The following LARP4B variants were observed in gnomAD, a reference collection of about 807,000 sequenced individuals.
The protein encoded by LARP4B is la-related protein 4B.
In LARP4B, 12 loss-of-function variants were observed where a neutral mutation model predicts 89.8. The observed-to-expected ratio is 0.13, with a 90% CI of 0.09 to 0.22. The LOEUF (loss-of-function observed/expected upper bound fraction) is 0.22. Ranked by LOEUF, LARP4B falls within the 10% of genes least tolerant of loss-of-function variation. LARP4B has a pLI of 1.00. For synonymous variants in LARP4B, 367 were observed against 363.3 expected (o/e 1.01, Z -0.12); for missense variants, 757 against 947.7 (o/e 0.80, Z 2.64).
At chr10:986,559 T>C in the LARP4B span, 1 of 152,204 alleles carries the variant, frequency 6.6e-6, no homozygotes, top group East Asian at 1.9e-4. Flanking sequence ...AACACGCACA[T>C]GGTGTAAGAT....
chr10:921,950 A>G lies in LARP4B; in HGVS notation c.-40+9478T>C, dbSNP rs377684829. On this transcript the variant is annotated intron_variant, in intron 1 of 17. Coordinates refer to ENST00000316157, the MANE Select transcript of LARP4B (RefSeq NM_015155.3). ...TCACTGACAGCGTGAAGAAGCAACTATTGCTGATTCATCAGTTACTCATTT... is the reference window on the plus strand; with the variant it reads ...TCACTGACAGCGTGAAGAAGCAACTGTTGCTGATTCATCAGTTACTCATTT... 1.2e-3 allele frequency among the ~76,000 whole-genome samples: 181 copies of G among 152,270 alleles called. 4 individuals are homozygous for G. In the South Asian group the frequency reaches 0.037, roughly 31 times the overall value.
intron 5 of LARP4B, among the ~76,000 whole-genome samples, chr10:854,639 G>A (rs1834212757): frequency 6.6e-6 from 1 of 151,820 alleles, no homozygotes; most frequent in South Asian, 2.1e-4. Context: ...AAACCATGAT[G>A]TAAACAGATG....
chr10:881,227 G>A (rs1290894862), intron 3 of LARP4B, among the ~76,000 whole-genome samples: 1 of 152,108 alleles, frequency 6.6e-6, no homozygotes, highest in African/African-American at 2.4e-5. Context: ...ACTGCCAGTG[G>A]TCACTCTTCA....
intron 8 of LARP4B, among the ~76,000 whole-genome samples, chr10:831,435 G>A (rs779883873): frequency 2.0e-5 from 3 of 152,152 alleles, no homozygotes; most frequent in African/African-American, 4.8e-5. Flanking sequence ...GAACCCCAGC[G>A]TGAACACGAG....
chr10:922,733 G>C (rs1452703833), intron 1 of LARP4B, among the ~76,000 whole-genome samples: 1 of 151,384 alleles, frequency 6.6e-6, no homozygotes, highest in African/African-American at 2.4e-5. Flanking sequence ...TATCACTGGA[G>C]GTATGGATAT....
the LARP4B span, among the ~76,000 whole-genome samples, chr10:983,072 T>A: frequency 6.6e-6 from 1 of 152,242 alleles, no homozygotes; most frequent in Non-Finnish European, 1.5e-5. Flanking sequence ...GTATTGGTCA[T>A]AGGTTCGGAT....
the LARP4B span, among the ~76,000 whole-genome samples, chr10:949,422 A>G: frequency 6.8e-6 from 1 of 148,006 alleles, no homozygotes; most frequent in Non-Finnish European, 1.5e-5. Flanking sequence ...AGGTGGCTGT[A>G]CCATCTTACA....
intron 2 of LARP4B, among the ~76,000 whole-genome samples, chr10:885,129 G>C (rs1835813486): frequency 1.3e-5 from 2 of 152,140 alleles, no homozygotes; most frequent in Admixed American, 1.3e-4. Flanking sequence ...CTCCCTTGAA[G>C]CAGGCCATAA....
intron 1 of LARP4B, among the ~76,000 whole-genome samples, chr10:913,222 T>C (rs1246931532): frequency 6.6e-6 from 1 of 152,156 alleles, no homozygotes; most frequent in Non-Finnish European, 1.5e-5. Context: ...AAGAGACTGA[T>C]AGTCTAAAGG....
intron 5 of LARP4B, among the ~76,000 whole-genome samples, chr10:862,279 A>AAAAAAAAAAC (rs749904539): frequency 5.0e-5 from 7 of 140,386 alleles, no homozygotes; most frequent in Non-Finnish European, 1.1e-4. Flanking sequence ...AAAAAAAAAA[A>AAAAAAAAAAC]AACAACCGTC....
chr10:949,521 C>T, the LARP4B span, among the ~76,000 whole-genome samples: 1 of 152,206 alleles, frequency 6.6e-6, no homozygotes, highest in African/African-American at 2.4e-5. Context: ...GAGTGACCTC[C>T]AACCCGTTTT....
chr10:895,513 G>C (rs761005424), intron 1 of LARP4B, among the ~76,000 whole-genome samples: 3 of 151,726 alleles, frequency 2.0e-5, no homozygotes, highest in Non-Finnish European at 4.4e-5. Flanking sequence ...TGCCTAACCA[G>C]GCTGGTGAAA....
intron 1 of LARP4B, among the ~76,000 whole-genome samples, chr10:892,608 C>T (rs554960224): frequency 3.3e-5 from 5 of 151,914 alleles, no homozygotes; most frequent in African/African-American, 1.2e-4. Flanking sequence ...GGCGCGATCT[C>T]AGCTCACTGC....
intron 1 of LARP4B, among the ~76,000 whole-genome samples, chr10:886,802 G>A (rs1269228961): frequency 6.6e-6 from 1 of 152,142 alleles, no homozygotes; most frequent in Non-Finnish European, 1.5e-5. Context: ...ATAAAATGGT[G>A]ACTACCGCCG....
At chr10:881,942 G>A (rs1395612972) in intron 3 of LARP4B, among the ~76,000 whole-genome samples, 1 of 152,116 alleles carries the variant, frequency 6.6e-6, no homozygotes, top group Non-Finnish European at 1.5e-5. Flanking sequence ...TGAATGGATG[G>A]ATACTCAAAT....
chr10:908,975 C>A (rs2035276640), intron 1 of LARP4B, among the ~76,000 whole-genome samples: 1 of 152,158 alleles, frequency 6.6e-6, no homozygotes, highest in Non-Finnish European at 1.5e-5. Context: ...ACACCACAGC[C>A]AAACGGCAGG....
At chr10:905,517 T>C (rs1457134567) in intron 1 of LARP4B, among the ~76,000 whole-genome samples, 3 of 152,190 alleles carry the variant, frequency 2.0e-5, no homozygotes, top group Non-Finnish European at 4.4e-5. Context: ...CAGGATCCTA[T>C]CTTCATTAGT....
the LARP4B span, among the ~76,000 whole-genome samples, chr10:963,267 G>A: frequency 1.3e-5 from 2 of 152,150 alleles, no homozygotes; most frequent in African/African-American, 4.8e-5. Context: ...TTGAGTTCCA[G>A]AGACACCCTG....
At chr10:901,555 GTTAT>G (rs1301160299) in intron 1 of LARP4B, among the ~76,000 whole-genome samples, 1 of 152,004 alleles carries the variant, frequency 6.6e-6, no homozygotes, top group Non-Finnish European at 1.5e-5. Context: ...CAACAAAACT[GTTAT>G]TTTAGTCTTT....
Sources: gnomAD v4.1 joint callset for allele counts (sites outside exome capture counted in the v4.1 genomes callset) on GRCh38, gnomAD v4.1.1 for gene constraint, MANE v1.5 for transcripts, NCBI Gene and HGNC (gene_info 2026-07-23, HGNC 2026-07-21) for gene names.